The following GON4L variants were observed in gnomAD, a reference collection of about 807,000 sequenced individuals.
The protein encoded by GON4L is gon-4 like.
GON4L carries 87 observed loss-of-function variants against 211.8 expected under a neutral mutation model. The ratio of observed to expected loss-of-function variants is 0.41; its 90% confidence interval spans 0.35 to 0.49. The LOEUF (loss-of-function observed/expected upper bound fraction) is 0.49. GON4L is among the 20% of genes least tolerant of loss of function. The pLI is 0.15. For synonymous variants in GON4L, 875 were observed against 962.6 expected (o/e 0.91, Z 1.68); for missense variants, 2,155 against 2,659.5 (o/e 0.81, Z 4.17).
At chr1:155,764,023 CAA>C (rs928492087) in intron 21 of GON4L, among the ~76,000 whole-genome samples, 57 of 23,144 alleles carry the variant, frequency 2.5e-3, no homozygotes, top group Non-Finnish European at 0.011. Flanking sequence ...CAAAAACAAA[CAA>C]AAAAAAAACA....
intron 11 of GON4L, 94 bp from the exon 12 acceptor site, chr1:155,795,245 G>C: frequency 1.2e-6 from 1 of 800,474 alleles, no homozygotes; most frequent in Non-Finnish European, 2.1e-6. Flanking sequence ...TTATTTTTTT[G>C]AGACAGGGTC....
chr1:155,765,594 C>T lies in GON4L; in HGVS notation c.3879G>A (p.Val1293=). 1.2e-6 allele frequency: 2 copies of T among 1,614,186 alleles called. No individual in the cohort carries two copies. Among genetic ancestry groups the T allele is most frequent in the Non-Finnish European group, 1.7e-6 (2 of 1,180,022 alleles). ...GAGCTTGCCTCCCCTCCTCTGTTTT[C>T]ACAACGGTCCAGCGACAGGCACTAT... The part of the protein sequence containing the change: ...SENSACRWTV[V]KTEEGRQALE... The change falls in exon 21 of 32, where the codon GTG becomes GTA. Residue 1293 remains valine (V), a synonymous_variant. Coordinates refer to ENST00000368331, the MANE Select transcript of GON4L (RefSeq NM_001282860.2).
intron 2 of GON4L, among the ~76,000 whole-genome samples, chr1:155,850,591 G>A (rs1235638268): frequency 6.6e-6 from 1 of 152,038 alleles, no homozygotes; most frequent in Non-Finnish European, 1.5e-5. Context: ...CTCATCTTGG[G>A]CACTCCATCA....
intron 17 of GON4L, 166 bp from the exon 18 acceptor site, chr1:155,773,376 A>G: frequency 1.5e-6 from 1 of 687,650 alleles, no homozygotes; most frequent in Non-Finnish European, 2.4e-6. Context: ...TCTTAAGCTA[A>G]CATTATATCT....
At chr1:155,788,104 G>A (rs1665146057) in intron 12 of GON4L, among the ~76,000 whole-genome samples, 1 of 152,304 alleles carries the variant, frequency 6.6e-6, no homozygotes, top group South Asian at 2.1e-4. Flanking sequence ...CAATTCTCAT[G>A]CCTCAGCCTC....
At chr1:155,823,218 C>A (rs899676441) in intron 3 of GON4L, among the ~76,000 whole-genome samples, 4 of 152,164 alleles carry the variant, frequency 2.6e-5, no homozygotes, top group Non-Finnish European at 4.4e-5. Flanking sequence ...TGTGAGCCAC[C>A]GTACCTGGCC....
chr1:155,792,836 A>G (rs1259897812), intron 12 of GON4L, among the ~76,000 whole-genome samples: 1 of 152,162 alleles, frequency 6.6e-6, no homozygotes, highest in Admixed American at 6.6e-5. Flanking sequence ...TGCTCGCTAC[A>G]GCCTCCACCT....
intron 23 of GON4L, 28 bp downstream of exon 23, chr1:155,762,162 G>C (rs1661877499): frequency 6.4e-7 from 1 of 1,553,612 alleles, no homozygotes; most frequent in African/African-American, 1.4e-5. Flanking sequence ...ATAGAGACTG[G>C]CAATAACAGG....
In GON4L at chr1:155,762,418, CTG is replaced by C; in HGVS notation, c.4727-46_4727-45del. The C allele has an allele frequency of 2.0e-6, 3 of 1,504,028 alleles. No homozygotes were observed. In the African/African-American group the frequency reaches 4.1e-5, roughly 21 times the overall value. The allele number at this position is 1,504,028 out of a possible 1,614,324, so 93.2% of individuals were successfully genotyped here. On this transcript the variant is annotated intron_variant, in intron 22 of 31. Coordinates refer to ENST00000368331, the MANE Select transcript of GON4L (RefSeq NM_001282860.2). ...AGGATTGTTTCCCTGTCCCTGCAAC[CTG>C]TGTTCTTCCCATTCCACCACATGCA...
chr1:155,770,904 A>T (rs934155223), intron 19 of GON4L, among the ~76,000 whole-genome samples, 163 bp downstream of exon 19: 7 of 152,260 alleles, frequency 4.6e-5, no homozygotes, highest in Admixed American at 4.6e-4. Flanking sequence ...GAATACTGCC[A>T]GCGGAATATT....
chr1:155,804,911 T>C, intron 11 of GON4L, 38 bp downstream of exon 11: 1 of 1,446,226 alleles, frequency 6.9e-7, no homozygotes, highest in Admixed American at 1.7e-5. Context: ...CAACAGATAA[T>C]GGACAGTATA....
chr1:155,752,636 G>A, intron 29 of GON4L, 46 bp from the exon 30 acceptor site: 1 of 1,553,872 alleles, frequency 6.4e-7, no homozygotes, highest in Non-Finnish European at 8.7e-7. Context: ...GGTTCAAGAT[G>A]CACCTAAGCA....
chr1:155,849,132 A>G (rs1229727772), intron 2 of GON4L, among the ~76,000 whole-genome samples: 1 of 121,116 alleles, frequency 8.3e-6, no homozygotes, highest in Non-Finnish European at 1.6e-5. Context: ...TAAACAACAG[A>G]GACTCCATCT....
intron 11 of GON4L, among the ~76,000 whole-genome samples, chr1:155,800,719 G>C (rs181501564): frequency 5.3e-5 from 8 of 152,042 alleles, no homozygotes; most frequent in Non-Finnish European, 1.2e-4. Context: ...GGGCATGGTA[G>C]CGCGTACCTG....
intron 12 of GON4L, among the ~76,000 whole-genome samples, chr1:155,790,682 A>G: frequency 6.6e-6 from 1 of 151,432 alleles, no homozygotes. Context: ...ACAGTGGCTC[A>G]CGCCTGTAAT....
At chr1:155,807,065 C>T (rs1175540514) in intron 10 of GON4L, among the ~76,000 whole-genome samples, 1 of 147,718 alleles carries the variant, frequency 6.8e-6, no homozygotes, top group East Asian at 2.0e-4. Flanking sequence ...CACCATTGTA[C>T]TCCAACCTAA....
At chr1:155,833,884 G>A (rs1489810228) in intron 2 of GON4L, among the ~76,000 whole-genome samples, 1 of 151,916 alleles carries the variant, frequency 6.6e-6, no homozygotes, top group Non-Finnish European at 1.5e-5. Context: ...TTGCAATGCA[G>A]TGGTGCGATC....
At chr1:155,768,944 T>C (rs1662864550) in intron 19 of GON4L, among the ~76,000 whole-genome samples, 1 of 152,156 alleles carries the variant, frequency 6.6e-6, no homozygotes, top group African/African-American at 2.4e-5. Context: ...TGTGTGTCAT[T>C]TTCTGTGCAC....
chr1:155,828,604 T>C (rs1669441516), intron 2 of GON4L, among the ~76,000 whole-genome samples: 3 of 150,442 alleles, frequency 2.0e-5, no homozygotes, highest in African/African-American at 7.4e-5. Context: ...GTCAGGAGTT[T>C]GAGACCAGCT....
Sources: allele counts gnomAD v4.1 joint callset (sites outside exome capture counted in the v4.1 genomes callset), GRCh38; gene constraint gnomAD v4.1.1; transcripts MANE v1.5; gene names NCBI Gene and HGNC (gene_info 2026-07-23, HGNC 2026-07-21).